The following DMRT1 variants were observed in gnomAD, a reference collection of about 807,000 sequenced individuals.
DMRT1 encodes doublesex- and mab-3-related transcription factor 1.
A neutral mutation model predicts 32.3 loss-of-function variants in DMRT1; 7 were observed. That is an observed-to-expected ratio of 0.22 (90% confidence interval 0.12 to 0.41). The LOEUF is 0.41. Among genes scored for constraint, DMRT1 ranks in the 10% least tolerant of loss-of-function variants. The pLI, the probability that DMRT1 is intolerant of heterozygous loss-of-function variation, is 1.00. For missense variants in DMRT1, 625 were observed against 500.5 expected, an observed-to-expected ratio of 1.25 and a Z score of -2.37; for synonymous variants, 278 against 206.1, an observed-to-expected ratio of 1.35 and a Z score of -2.99.
At chr9:890,672 AT>A (rs2132646326) in intron 2 of DMRT1, among the ~76,000 whole-genome samples, 1 of 152,166 alleles carries the variant, frequency 6.6e-6, no homozygotes, top group Admixed American at 6.5e-5. Context: ...TCATGAGCCA[AT>A]TCTGTCTGCT....
chr9:853,600 A>G lies in DMRT1; in HGVS notation c.538+6457A>G, dbSNP rs566612000. Among the ~76,000 whole-genome samples the G allele has an allele frequency of 2.0e-4, 30 of 150,580 alleles. 1 individual carries two copies. The South Asian group carries it at 3.6e-3, about 18-fold the overall frequency. ...CGATTTTCCTGTCTCAGCCTCCTGA[A>G]TAGCTGGGATTACAGGCATGCACCA... is the stretch of plus-strand genomic sequence containing the variant. On this transcript the variant is annotated intron_variant, in intron 2 of 4. Transcript: ENST00000382276.
chr9:934,997 G>A (rs1239203274), intron 4 of DMRT1, among the ~76,000 whole-genome samples: 2 of 152,042 alleles, frequency 1.3e-5, no homozygotes, highest in African/African-American at 4.8e-5. Context: ...CTTTCCTACA[G>A]TTCTGAAATA....
chr9:902,494 T>A (rs1415469213), intron 3 of DMRT1, among the ~76,000 whole-genome samples: 1 of 150,648 alleles, frequency 6.6e-6, no homozygotes, highest in Non-Finnish European at 1.5e-5. Context: ...CCACCACATT[T>A]TTTTTTTTTT....
intron 3 of DMRT1, among the ~76,000 whole-genome samples, chr9:905,123 T>C (rs1817722859): frequency 6.6e-6 from 1 of 152,170 alleles, no homozygotes; most frequent in Non-Finnish European, 1.5e-5. Flanking sequence ...ATAGATTGAC[T>C]TTAGTGGATT....
chr9:845,838 C>G (rs1363512218), intron 1 of DMRT1, among the ~76,000 whole-genome samples: 1 of 152,198 alleles, frequency 6.6e-6, no homozygotes, highest in Non-Finnish European at 1.5e-5. Flanking sequence ...TCATCCTTGC[C>G]TGTCCAAGTC....
At chr9:857,462 T>C (rs530511740) in intron 2 of DMRT1, among the ~76,000 whole-genome samples, 1 of 152,276 alleles carries the variant, frequency 6.6e-6, no homozygotes, top group East Asian at 1.9e-4. Context: ...GAGAGAGTTT[T>C]TCTTTGCTGT....
Position 881,138 on chromosome 9 carries a change from C to T in DMRT1, c.539-12774C>T, listed in dbSNP as rs116784122. On this transcript the variant is annotated intron_variant, in intron 2 of 4. Transcript: ENST00000382276. The stretch of plus-strand genomic sequence containing the variant: ...CCCCCACCTCCTCCTCCTGTGCAGC[C>T]AGGTTTGAAAACTTCTGGTTTAGAG... Among the ~76,000 whole-genome samples the T allele has an allele frequency of 5.8e-3, 876 of 152,250 alleles. 10 individuals carry two copies. The highest frequency in any genetic ancestry group is 0.019 in the African/African-American group (809 of 41,532).
At chr9:962,901 C>T (rs575656884) in intron 4 of DMRT1, among the ~76,000 whole-genome samples, 3 of 152,216 alleles carry the variant, frequency 2.0e-5, no homozygotes, top group South Asian at 4.2e-4. Flanking sequence ...CTCAGACTCC[C>T]GGGCCAGTGC....
chr9:865,000 T>C (rs1815914746), intron 2 of DMRT1, among the ~76,000 whole-genome samples: 1 of 152,240 alleles, frequency 6.6e-6, no homozygotes, highest in Non-Finnish European at 1.5e-5. Flanking sequence ...TTCTGGTTTC[T>C]AGAGGCTAAT....
intron 4 of DMRT1, among the ~76,000 whole-genome samples, chr9:919,231 G>A (rs993516122): frequency 4.6e-5 from 7 of 152,162 alleles, no homozygotes; most frequent in African/African-American, 1.7e-4. Flanking sequence ...AGTGTTTTCA[G>A]TAGGTTTAAT....
chr9:862,161 T>G lies in DMRT1; in HGVS notation c.538+15018T>G, dbSNP rs1170754044. Among the ~76,000 whole-genome samples, 5 of 146,414 alleles carry G rather than the reference T, an allele frequency of 3.4e-5. No individual in the cohort carries two copies. The East Asian group carries it at 6.2e-4, about 18-fold the overall frequency. On this transcript the variant is annotated intron_variant, in intron 2 of 4. Transcript: ENST00000382276. ...GAGGCCAAGGCAGGCGGCTGGGAGG[T>G]GGAGGTTGTAGCGAGCCGAGATCAC...
At chr9:963,854 ATTTTCATCAGC>A (rs1467554313) in intron 4 of DMRT1, among the ~76,000 whole-genome samples, 3 of 152,196 alleles carry the variant, frequency 2.0e-5, no homozygotes, top group Non-Finnish European at 4.4e-5. Flanking sequence ...TGTTTAAGAA[ATTTTCATCAGC>A]TTTTCATCAG....
At chr9:932,049 G>A (rs1033384014) in intron 4 of DMRT1, among the ~76,000 whole-genome samples, 6 of 152,134 alleles carry the variant, frequency 3.9e-5, no homozygotes, top group Admixed American at 2.0e-4. Flanking sequence ...TCTGCAGATC[G>A]CATCCCTAGA....
At chr9:868,036 C>T (rs560978107) in intron 2 of DMRT1, among the ~76,000 whole-genome samples, 1 of 152,248 alleles carries the variant, frequency 6.6e-6, no homozygotes, top group East Asian at 1.9e-4. Flanking sequence ...GGAGTGCAGT[C>T]GTGTGATCAC....
intron 1 of DMRT1, among the ~76,000 whole-genome samples, chr9:844,910 C>T (rs1308857830): frequency 7.9e-5 from 12 of 152,080 alleles, no homozygotes; most frequent in East Asian, 1.9e-4. Context: ...TAGTTAGAGA[C>T]GGGATTTCAC....
At chr9:881,927 ATT>A (rs1816750290) in intron 2 of DMRT1, among the ~76,000 whole-genome samples, 1 of 152,232 alleles carries the variant, frequency 6.6e-6, no homozygotes, top group Admixed American at 6.5e-5. Context: ...ATGGTAGGAC[ATT>A]CTGAATTGGC....
chr9:957,476 T>A (rs1189254136), intron 4 of DMRT1, among the ~76,000 whole-genome samples: 1 of 152,238 alleles, frequency 6.6e-6, no homozygotes, highest in Non-Finnish European at 1.5e-5. Context: ...TTTTCTTATT[T>A]CTCTTCAGCC....
In DMRT1 at chr9:968,789, T is replaced by C. The variant is rs184051098; in HGVS notation, c.*650T>C. ...AATTTGTAAACAGTGCAATTTAAAG[T>C]GACCTTAGTGATGCAGAGTTCCTGA... On this transcript the variant is annotated 3_prime_UTR_variant, in exon 5 of 5. Transcript: ENST00000382276. The C allele has an allele frequency of 6.1e-3, 936 of 153,134 alleles. 8 individuals are homozygous for C. Among genetic ancestry groups the C allele is most frequent in the Non-Finnish European group, 8.5e-3 (581 of 68,410 alleles). The allele number at this position is 153,134 out of a possible 1,614,324, so 9.5% of individuals were successfully genotyped here. A position where few individuals can be genotyped will look rare whatever the true frequency, so the allele number is the denominator to read the frequency against.
intron 2 of DMRT1, among the ~76,000 whole-genome samples, chr9:876,625 A>C (rs1816510842): frequency 6.6e-6 from 1 of 151,240 alleles, no homozygotes; most frequent in Non-Finnish European, 1.5e-5. Flanking sequence ...CCACCTCCTG[A>C]GCTCAAGTGA....
Sources: allele counts gnomAD v4.1 joint callset (sites outside exome capture counted in the v4.1 genomes callset), GRCh38; gene constraint gnomAD v4.1.1; transcripts MANE v1.5; gene names NCBI Gene and HGNC (gene_info 2026-07-23, HGNC 2026-07-21).